Variants in GRID2 observed in about 807,000 individuals in gnomAD.
The protein encoded by GRID2 is glutamate ionotropic receptor delta type subunit 2.
A neutral mutation model predicts 114.8 loss-of-function variants in GRID2; 33 were observed. The ratio of observed to expected loss-of-function variants is 0.29; its 90% CI spans 0.22 to 0.38. The LOEUF is 0.38. Among genes scored for constraint, GRID2 ranks in the 10% least tolerant of loss-of-function variants. The pLI, the probability that GRID2 is intolerant of heterozygous loss-of-function variation, is 1.00. For synonymous variants in GRID2, 505 were observed against 449.9 expected (o/e 1.12, Z -1.55); for missense variants, 1,184 against 1,257.7 (o/e 0.94, Z 0.89).
intron 1 of GRID2, among the ~76,000 whole-genome samples, chr4:92,574,834 G>A (rs1727808215): frequency 6.6e-6 from 1 of 151,998 alleles, no homozygotes; most frequent in Admixed American, 6.6e-5. Flanking sequence ...TCTTATTGGG[G>A]TTTTCTACAT....
At chr4:92,885,008 G>T (rs1746275727) in intron 2 of GRID2, 1 of 261,898 alleles carries the variant, frequency 3.8e-6, no homozygotes. Flanking sequence ...CTGCTGCACA[G>T]TGTTACAGAA....
At chr4:93,608,858 C>G (rs947955635) in intron 13 of GRID2, among the ~76,000 whole-genome samples, 2 of 133,302 alleles carry the variant, frequency 1.5e-5, no homozygotes, top group Non-Finnish European at 3.3e-5. Flanking sequence ...AATGGTATTT[C>G]TAGTTCTAGA....
intron 3 of GRID2, among the ~76,000 whole-genome samples, chr4:93,088,066 A>C (rs1473734806): frequency 1.3e-5 from 2 of 152,058 alleles, no homozygotes; most frequent in African/African-American, 4.8e-5. Context: ...TTTTGTATAG[A>C]AAAAAATATA....
At chr4:93,213,954 C>T (rs1051152508) in intron 5 of GRID2, among the ~76,000 whole-genome samples, 1 of 151,952 alleles carries the variant, frequency 6.6e-6, no homozygotes, top group Non-Finnish European at 1.5e-5. Context: ...AAAAAGGCTT[C>T]CTTAGCCTAA....
intron 1 of GRID2, among the ~76,000 whole-genome samples, chr4:92,421,705 T>A (rs775520787): frequency 2.0e-5 from 3 of 152,102 alleles, no homozygotes; most frequent in African/African-American, 4.8e-5. Context: ...ACTCTCTGTG[T>A]CTGATGTAGG....
At chr4:92,496,808 C>T (rs938505127) in intron 1 of GRID2, among the ~76,000 whole-genome samples, 20 of 151,740 alleles carry the variant, frequency 1.3e-4, no homozygotes, top group Admixed American at 9.2e-4. Context: ...CATATATTCA[C>T]ACCACCTAAA....
chr4:93,412,325 T>C (rs1168877152), intron 9 of GRID2, among the ~76,000 whole-genome samples: 1 of 122,462 alleles, frequency 8.2e-6, no homozygotes, highest in South Asian at 2.8e-4. Context: ...GCCCAGGAGG[T>C]TGAGGATGTA....
At chr4:92,351,308 T>A (rs1728058487) in intron 1 of GRID2, among the ~76,000 whole-genome samples, 1 of 151,876 alleles carries the variant, frequency 6.6e-6, no homozygotes, top group Admixed American at 6.6e-5. Context: ...GTATGAATGC[T>A]TCAATTTCTC....
intron 2 of GRID2, among the ~76,000 whole-genome samples, chr4:92,819,629 A>AAAAC (rs202113050): frequency 0.011 from 1,650 of 152,256 alleles, 34 homozygotes; most frequent in African/African-American, 0.035. Context: ...ACTATTTAAA[A>AAAAC]AAAATAAATT....
chr4:93,367,001 G>A (rs1178555745), intron 8 of GRID2, among the ~76,000 whole-genome samples: 1 of 151,874 alleles, frequency 6.6e-6, no homozygotes, highest in Non-Finnish European at 1.5e-5. Context: ...AACATAAAGA[G>A]AATCAAAGTA....
chr4:92,854,836 G>C (rs1744066827), intron 2 of GRID2, among the ~76,000 whole-genome samples: 1 of 151,840 alleles, frequency 6.6e-6, no homozygotes, highest in South Asian at 2.1e-4. Context: ...AAAGTTTATA[G>C]TTTATAGAAC....
At chr4:92,852,084 T>C (rs908406236) in intron 2 of GRID2, among the ~76,000 whole-genome samples, 2 of 151,812 alleles carry the variant, frequency 1.3e-5, no homozygotes, top group Non-Finnish European at 2.9e-5. Context: ...ATTAAAGTAT[T>C]CATTACAGGC....
At chr4:92,458,300 G>C (rs1460756504) in intron 1 of GRID2, among the ~76,000 whole-genome samples, 2 of 152,192 alleles carry the variant, frequency 1.3e-5, no homozygotes, top group African/African-American at 2.4e-5. Context: ...CCTGGGTTCA[G>C]CCACTTAATT....
intron 13 of GRID2, among the ~76,000 whole-genome samples, chr4:93,558,900 C>T (rs1048277075): frequency 5.3e-5 from 8 of 152,320 alleles, no homozygotes; most frequent in African/African-American, 1.4e-4. Context: ...ATCAAGTCAG[C>T]TTCATCCCTG....
At chr4:93,778,478 C>G (rs1399033177), downstream of GRID2, among the ~76,000 whole-genome samples, 2 of 142,962 alleles carry the variant, frequency 1.4e-5, no homozygotes, top group Non-Finnish European at 3.0e-5. Context: ...CTCCCTGGAA[C>G]CTTTGCCTCC....
At chr4:92,984,378 A>G (rs1754383413) in intron 2 of GRID2, among the ~76,000 whole-genome samples, 1 of 152,262 alleles carries the variant, frequency 6.6e-6, no homozygotes, top group African/African-American at 2.4e-5. Context: ...GGAACAGCTT[A>G]TATCATTGCA....
chr4:92,411,667 A>ATATATATATATT (rs2110302512), intron 1 of GRID2, among the ~76,000 whole-genome samples: 1 of 136,430 alleles, frequency 7.3e-6, no homozygotes, highest in Non-Finnish European at 1.6e-5. Flanking sequence ...ATATATATAT[A>ATATATATATATT]TATATATATA....
At chr4:93,684,185 T>C (rs1725865957) in intron 14 of GRID2, among the ~76,000 whole-genome samples, 2 of 152,136 alleles carry the variant, frequency 1.3e-5, no homozygotes, top group African/African-American at 4.8e-5. Flanking sequence ...TTTCTGACTT[T>C]TCTGTATTTT....
chr4:92,747,787 C>T (rs1038902547), intron 2 of GRID2, among the ~76,000 whole-genome samples: 6 of 152,154 alleles, frequency 3.9e-5, no homozygotes, highest in African/African-American at 1.2e-4. Flanking sequence ...TTAAGCCATA[C>T]TTCCAGGTAA....
Sources: allele counts gnomAD v4.1 joint callset (sites outside exome capture counted in the v4.1 genomes callset), GRCh38; gene constraint gnomAD v4.1.1; transcripts MANE v1.5; gene names NCBI Gene and HGNC (gene_info 2026-07-23, HGNC 2026-07-21).